The following CAB39 variants were observed in gnomAD, a reference collection of about 807,000 sequenced individuals.
The protein encoded by CAB39 is calcium binding protein 39, also known as calcium-binding protein 39.
A neutral mutation model predicts 40.0 loss-of-function variants in CAB39; 8 were observed. That is an observed-to-expected ratio of 0.20 (90% CI 0.12 to 0.36). The LOEUF (loss-of-function observed/expected upper bound fraction) is 0.36. CAB39 is among the 10% of genes least tolerant of loss of function. The pLI, the probability that CAB39 is intolerant of heterozygous loss-of-function variation, is 1.00. For missense variants in CAB39, 270 were observed against 401.1 expected, an observed-to-expected ratio of 0.67 and a Z score of 2.79; for synonymous variants, 156 against 141.6, an observed-to-expected ratio of 1.10 and a Z score of -0.72.
intron 1 of CAB39, among the ~76,000 whole-genome samples, chr2:230,737,464 C>T (rs902960646): frequency 1.3e-5 from 2 of 152,002 alleles, no homozygotes; most frequent in African/African-American, 2.4e-5. Context: ...AGAGATTGGC[C>T]GTATGGTTAA....
intron 1 of CAB39, among the ~76,000 whole-genome samples, chr2:230,722,118 ACT>A (rs1694465064): frequency 6.6e-6 from 1 of 150,886 alleles, no homozygotes; most frequent in Admixed American, 6.6e-5. Context: ...ACATACACAC[ACT>A]CTCAAAACTG....
At position 230,773,298 on chromosome 2, in the gene CAB39, G is replaced by GTATA. The variant is rs555144903; in HGVS notation, c.114+13197_114+13200dup. The stretch of plus-strand genomic sequence containing the variant: ...TCTTGATGGTTTCATGGGTGTATGT[G>GTATA]TATATATATATATATATGTGTGTGT... On this transcript the variant is annotated intron_variant, in intron 2 of 8. Coordinates refer to ENST00000258418, the MANE Select transcript of CAB39 (RefSeq NM_016289.4). Among the ~76,000 whole-genome samples the GTATA allele has an allele frequency of 3.0e-3, 382 of 127,804 alleles. 1 individual carries two copies. The highest frequency in any genetic ancestry group is 7.8e-3 in the Middle Eastern group (2 of 256). 83.8% of individuals were successfully genotyped at this position (127,804 alleles called of 152,430 possible).
At chr2:230,760,862 G>A (rs1156832325) in intron 2 of CAB39, among the ~76,000 whole-genome samples, 1 of 152,170 alleles carries the variant, frequency 6.6e-6, no homozygotes, top group Non-Finnish European at 1.5e-5. Flanking sequence ...TCTTGAAGAA[G>A]TTGTTCATAC....
intron 4 of CAB39, among the ~76,000 whole-genome samples, chr2:230,797,513 TGAG>T (rs1166887236): frequency 1.8e-5 from 2 of 113,902 alleles, no homozygotes; most frequent in Non-Finnish European, 3.5e-5. Context: ...ATTATAGAAA[TGAG>T]GAAGCAGGGG....
chr2:230,798,668 T>C, intron 4 of CAB39, 61 bp from the exon 5 acceptor site: 1 of 1,424,752 alleles, frequency 7.0e-7, no homozygotes, highest in Non-Finnish European at 9.6e-7. Context: ...AACTGTTCAG[T>C]GTTGGAGTTT....
chr2:230,735,792 G>T (rs1047229447), intron 1 of CAB39, among the ~76,000 whole-genome samples: 6 of 152,184 alleles, frequency 3.9e-5, no homozygotes, highest in Non-Finnish European at 8.8e-5. Flanking sequence ...TGGGATTACA[G>T]GCATGAGCTA....
intron 2 of CAB39, among the ~76,000 whole-genome samples, chr2:230,760,387 C>G: frequency 6.6e-6 from 1 of 151,888 alleles, no homozygotes; most frequent in Non-Finnish European, 1.5e-5. Flanking sequence ...TTTATTATTA[C>G]TAATTATTTT....
rs577110110 is a variant in CAB39, at chr2:230,776,274, AAATT to A, written c.115-14589_115-14586del. Among the ~76,000 whole-genome samples, 34 of 152,282 alleles carry A rather than the reference AAATT, an allele frequency of 2.2e-4. No homozygotes were observed. In the East Asian group the frequency reaches 6.0e-3, roughly 27 times the overall value. ...GCCTTACTTTGTTTTGTTTATTTTG[AAATT>A]AATTAATTCACAGGAAGTTGCTGAA... On this transcript the variant is annotated intron_variant, in intron 2 of 8. Transcript: ENST00000258418.
chr2:230,773,180 T>G (rs1479754656), intron 2 of CAB39, among the ~76,000 whole-genome samples: 2 of 151,978 alleles, frequency 1.3e-5, no homozygotes, highest in South Asian at 2.1e-4. Context: ...TAAAGATGTT[T>G]AGGGGAAGGG....
At chr2:230,724,719 A>C (rs1420003720) in intron 1 of CAB39, among the ~76,000 whole-genome samples, 1 of 151,074 alleles carries the variant, frequency 6.6e-6, no homozygotes, top group East Asian at 1.9e-4. Context: ...AAAAAAAAAA[A>C]AAACCTCTAT....
rs186396927 is a variant in CAB39, at chr2:230,737,294, G to A, written c.-43-22665G>A. Among the ~76,000 whole-genome samples, 18 of 152,272 alleles carry A rather than the reference G, an allele frequency of 1.2e-4. No individual in the cohort carries two copies. The East Asian group carries it at 3.3e-3, about 28-fold the overall frequency. On this transcript the variant is annotated intron_variant, in intron 1 of 8. Transcript: ENST00000258418. ...CTTAAAAGCCACTATCAGAATCATG[G>A]CTACTGTCATTTTAGTTTGACAAAA...
intron 1 of CAB39, among the ~76,000 whole-genome samples, chr2:230,757,809 C>T (rs984429273): frequency 6.6e-6 from 1 of 151,846 alleles, no homozygotes; most frequent in African/African-American, 2.4e-5. Context: ...TTGCATGCTT[C>T]CCCCCCACCC....
At chr2:230,797,527 G>A (rs1473374014) in intron 4 of CAB39, among the ~76,000 whole-genome samples, 1 of 151,592 alleles carries the variant, frequency 6.6e-6, no homozygotes, top group East Asian at 1.9e-4. Flanking sequence ...GAAGCAGGGG[G>A]GTGGGGGTGA....
intron 1 of CAB39, among the ~76,000 whole-genome samples, chr2:230,716,723 C>G (rs1283335558): frequency 6.6e-6 from 1 of 152,134 alleles, no homozygotes; most frequent in African/African-American, 2.4e-5. Flanking sequence ...AAGGTCAGGC[C>G]GAGCGGGGTA....
At position 230,818,684 on chromosome 2, in the gene CAB39, C is replaced by G. The variant is rs967191149; in HGVS notation, c.1006C>G (p.Pro336Ala). ...LVKQIRDLKR[P>A]AQQEA is the part of the protein sequence containing the mutation. ...TAAACAGATCAGGGATTTGAAGAGA[C>G]CAGCTCAGCAAGAAGCTTAATCTCC... Residue 336 changes from proline (P) to alanine (A), a missense_variant, in exon 9 of 9, where the codon CCA becomes GCA. Physicochemically the swap from Pro to Ala is conservative, Grantham distance 27 (BLOSUM62 -1). Transcript: ENST00000258418. The G allele has an allele frequency of 6.2e-7, 1 of 1,613,410 alleles. No homozygotes were observed. The highest frequency in any genetic ancestry group is 8.5e-7 in the Non-Finnish European group (1 of 1,179,584).
intron 1 of CAB39, among the ~76,000 whole-genome samples, chr2:230,740,636 G>A (rs1694859976): frequency 6.6e-6 from 1 of 152,182 alleles, no homozygotes; most frequent in South Asian, 2.1e-4. Context: ...GTTCTCATAA[G>A]GAGTGGACAA....
chr2:230,742,865 C>T (rs1694907450), intron 1 of CAB39, among the ~76,000 whole-genome samples: 1 of 152,180 alleles, frequency 6.6e-6, no homozygotes, highest in South Asian at 2.1e-4. Context: ...TGGCTGCCTT[C>T]ATGGACTTTT....
intron 1 of CAB39, among the ~76,000 whole-genome samples, chr2:230,750,064 A>G (rs1695059161): frequency 6.6e-6 from 1 of 152,252 alleles, no homozygotes; most frequent in African/African-American, 2.4e-5. Flanking sequence ...GAACGAACAA[A>G]TGGAGAATCC....
chr2:230,756,341 A>G (rs1297134787), intron 1 of CAB39, among the ~76,000 whole-genome samples: 1 of 152,230 alleles, frequency 6.6e-6, no homozygotes, highest in Non-Finnish European at 1.5e-5. Context: ...TACAGTAGGT[A>G]TTTGTAACAC....
Sources: allele counts gnomAD v4.1 joint callset (sites outside exome capture counted in the v4.1 genomes callset), GRCh38; gene constraint gnomAD v4.1.1; transcripts MANE v1.5; gene names NCBI Gene and HGNC (gene_info 2026-07-23, HGNC 2026-07-21).